Variants in IFNAR1 observed in about 807,000 individuals in gnomAD.
IFNAR1 encodes the protein interferon alpha and beta receptor subunit 1.
In IFNAR1, 47 loss-of-function variants were observed where a neutral mutation model predicts 62.1. The observed-to-expected ratio is 0.76, with a 90% confidence interval of 0.60 to 0.97. The LOEUF (loss-of-function observed/expected upper bound fraction) is 0.97. IFNAR1 is among the 50% of genes least tolerant of loss of function. IFNAR1 has a pLI of 0.00. For synonymous variants in IFNAR1, 219 were observed against 226.9 expected (o/e 0.97, Z 0.31); for missense variants, 638 against 654.5 (o/e 0.97, Z 0.27).
chr21:33,347,152 C>T (rs1256120231), intron 6 of IFNAR1, among the ~76,000 whole-genome samples: 18 of 143,772 alleles, frequency 1.3e-4, no homozygotes, highest in Admixed American at 1.0e-3. Flanking sequence ...TTTTTTGAGA[C>T]GGAGTCTCAC....
In IFNAR1 at chr21:33,355,545, T is replaced by C. The variant is rs141582204; in HGVS notation, c.1670T>C (p.Val557Ala). 4.8e-5 allele frequency: 75 copies of C among 1,550,510 alleles called. No homozygotes were observed. The African/African-American group carries it at 9.6e-4, about 20-fold the overall frequency. Residue 557 changes from valine to alanine, a missense_variant, in exon 11 of 11, where the codon GTA becomes GCA. Transcript: ENST00000270139. ...AGTGAAGAACTACAGCAGGACTTTG[T>C]ATGACCAGAAATGAACTGTGTCAAG... ...KTSEELQQDFV is the reference protein window; with the variant it reads ...KTSEELQQDFA
intron 2 of IFNAR1, among the ~76,000 whole-genome samples, chr21:33,339,840 A>G (rs867808377): frequency 4.0e-5 from 6 of 149,664 alleles, no homozygotes; most frequent in African/African-American, 1.2e-4. Context: ...AGGCAGGAGA[A>G]TTGCTTGAAC....
At chr21:33,333,232 C>T (rs994437802) in intron 1 of IFNAR1, among the ~76,000 whole-genome samples, 4 of 152,186 alleles carry the variant, frequency 2.6e-5, no homozygotes, top group Non-Finnish European at 5.9e-5. Flanking sequence ...CTATGCCCAG[C>T]AAAACTATCC....
At position 33,334,908 on chromosome 21, in the gene IFNAR1, C is replaced by A. The variant is rs1407861831; in HGVS notation, c.77-616C>A. On this transcript the variant is annotated intron_variant, in intron 1 of 10. Transcript: ENST00000270139. Reference sequence around the variant, plus strand: ...GCTGAGATACACTATACTTTCCCACCCCTGCAGTGGGAGATGGGGCAGGGG... The same window carrying A: ...GCTGAGATACACTATACTTTCCCACACCTGCAGTGGGAGATGGGGCAGGGG... 1.1e-5 allele frequency: 16 copies of A among 1,500,686 alleles called. No homozygotes were observed. In the Admixed American group the frequency reaches 2.4e-4, roughly 22 times the overall value. The allele number at this position is 1,500,686 out of a possible 1,614,324, so 93.0% of individuals were successfully genotyped here.
chr21:33,337,965 G>A (rs34640959), intron 2 of IFNAR1, among the ~76,000 whole-genome samples: 2,850 of 152,120 alleles, frequency 0.019, 44 homozygotes, highest in Non-Finnish European at 0.027. Flanking sequence ...AATTATTTCA[G>A]ATACCCTTAT....
rs1236784421 is a variant in IFNAR1, at chr21:33,358,130, A to G, written c.*2581A>G. ...GCACAAGGCTTCACGCTTTAAGACC[A>G]TCTGTGGTTTTCAGTGAACAAGCGC... On this transcript the variant is annotated 3_prime_UTR_variant, in exon 11 of 11. Transcript: ENST00000270139. The G allele has an allele frequency of 6.6e-6, 1 of 152,238 alleles. No individual in the cohort carries two copies. Among genetic ancestry groups the G allele is most frequent in the African/African-American group, 2.4e-5 (1 of 41,460 alleles). 9.4% of individuals were successfully genotyped at this position (152,238 alleles called of 1,614,324 possible). A position where few individuals can be genotyped will look rare whatever the true frequency, so the allele number is the denominator to read the frequency against.
rs532616623 is a variant in IFNAR1, at chr21:33,343,297, G to A, written c.406G>A (p.Glu136Lys). The A allele has an allele frequency of 3.1e-6, 5 of 1,613,296 alleles. No homozygotes were observed. Among genetic ancestry groups the A allele is most frequent in the South Asian group, 1.1e-5 (1 of 90,882 alleles). The change falls in exon 4 of 11, where the codon GAA becomes AAA. Residue 136 changes from glutamate (E) to lysine (K), a missense_variant. Physicochemically the swap from Glu to Lys is moderately conservative, Grantham distance 56. Transcript: ENST00000270139. The stretch of plus-strand genomic sequence containing the variant: ...GATTGGTCCTCCAGAAGTACATTTA[G>A]AAGCTGAAGATAAGGCAATAGTGAT... ...AQIGPPEVHL[E>K]AEDKAIVIHI...
chr21:33,352,607 AAAAC>A (rs1195776076), intron 8 of IFNAR1, 147 bp from the exon 9 acceptor site: 4 of 455,724 alleles, frequency 8.8e-6, no homozygotes, highest in African/African-American at 5.8e-5. Flanking sequence ...TCTCACAAAA[AAAAC>A]AAAACAAAAC....
intron 10 of IFNAR1, among the ~76,000 whole-genome samples, chr21:33,354,994 A>AT (rs1245765924): frequency 6.6e-6 from 1 of 152,046 alleles, no homozygotes; most frequent in Non-Finnish European, 1.5e-5. Context: ...TTATTTCAAA[A>AT]AAAAAAAGTC....
chr21:33,326,701 G>A (rs2249448), intron 1 of IFNAR1, among the ~76,000 whole-genome samples: 109,797 of 152,058 alleles, frequency 0.72, 39,754 homozygotes, highest in Admixed American at 0.76. Context: ...ACAGCCATTC[G>A]TTTGGAAGAG....
In IFNAR1 at chr21:33,352,846, T is replaced by C; in HGVS notation, c.1232T>C (p.Met411Thr). Residue 411 changes from methionine (M) to threonine (T), a missense_variant, in exon 9 of 11, where the codon ATG becomes ACG. Physicochemically the swap from Met to Thr is moderately conservative, Grantham distance 81. Coordinates refer to ENST00000270139, the MANE Select transcript of IFNAR1 (RefSeq NM_000629.3). ...TGTGTGAAAGCCAGAGCACACACCA[T>C]GGATGAAAAGCTGAATAAAAGCAGT... ...VYCVKARAHT[M>T]DEKLNKSSVF... 4 of 1,606,546 alleles carry C rather than the reference T, an allele frequency of 2.5e-6. No individual in the cohort carries two copies. The highest frequency in any genetic ancestry group is 3.4e-6 in the Non-Finnish European group (4 of 1,174,644).
At chr21:33,355,111 G>A (rs2083434913) in intron 10 of IFNAR1, among the ~76,000 whole-genome samples, 1 of 151,976 alleles carries the variant, frequency 6.6e-6, no homozygotes, top group African/African-American at 2.4e-5. Flanking sequence ...CACCACAGAA[G>A]GTACTAAGAT....
intron 1 of IFNAR1, chr21:33,334,963 G>C (rs1001899095): frequency 1.3e-6 from 2 of 1,579,354 alleles, no homozygotes; most frequent in African/African-American, 2.7e-5. Context: ...AGCTGCTGTT[G>C]TTACTACCCA....
At chr21:33,345,597 G>A (rs1486065648) in intron 6 of IFNAR1, among the ~76,000 whole-genome samples, 1 of 152,030 alleles carries the variant, frequency 6.6e-6, no homozygotes, top group Non-Finnish European at 1.5e-5. Flanking sequence ...TAAAATAGAT[G>A]GATTCTAATA....
At chr21:33,339,489 C>A (rs971112910) in intron 2 of IFNAR1, among the ~76,000 whole-genome samples, 2 of 152,040 alleles carry the variant, frequency 1.3e-5, no homozygotes, top group Non-Finnish European at 2.9e-5. Flanking sequence ...ATATCTAAAT[C>A]GTCTTTAAAA....
intron 1 of IFNAR1, among the ~76,000 whole-genome samples, chr21:33,330,775 T>C (rs1259156229): frequency 6.6e-6 from 1 of 152,114 alleles, no homozygotes; most frequent in African/African-American, 2.4e-5. Context: ...ATTCCTAGGA[T>C]CATCTGGGAA....
At chr21:33,341,241 G>A in intron 3 of IFNAR1, 67 bp downstream of exon 3, 2 of 1,275,534 alleles carry the variant, frequency 1.6e-6, no homozygotes, top group African/African-American at 1.5e-5. Flanking sequence ...CACTTTCCAA[G>A]CCATTCATTT....
intron 8 of IFNAR1, among the ~76,000 whole-genome samples, chr21:33,350,130 A>G (rs1432000931): frequency 6.6e-6 from 1 of 151,146 alleles, no homozygotes; most frequent in East Asian, 1.9e-4. Flanking sequence ...CCATGTATTC[A>G]TCTAAACCTG....
intron 1 of IFNAR1, among the ~76,000 whole-genome samples, chr21:33,326,388 AG>A (rs918486230): frequency 6.6e-6 from 1 of 152,046 alleles, no homozygotes; most frequent in Non-Finnish European, 1.5e-5. Flanking sequence ...TATTTCTAGT[AG>A]AGATGGGGTT....
Sources: gnomAD v4.1 joint callset for allele counts (sites outside exome capture counted in the v4.1 genomes callset) on GRCh38, gnomAD v4.1.1 for gene constraint, MANE v1.5 for transcripts, NCBI Gene and HGNC (gene_info 2026-07-23, HGNC 2026-07-21) for gene names.